Variants in ZNF862 observed in about 807,000 individuals in gnomAD.
ZNF862 encodes zinc finger protein 862.
In ZNF862, 64 loss-of-function variants were observed where a neutral mutation model predicts 91.1. The ratio of observed to expected loss-of-function variants is 0.70; its 90% CI spans 0.57 to 0.87. The LOEUF is 0.87. Ranked by LOEUF, ZNF862 falls within the 40% of genes least tolerant of loss-of-function variation. The pLI is 0.00. For synonymous variants in ZNF862, 631 were observed against 618.1 expected, an observed-to-expected ratio of 1.02 and a Z score of -0.31; for missense variants, 1,459 against 1,528.0, an observed-to-expected ratio of 0.95 and a Z score of 0.75.
At chr7:149,858,863 AGGGGCACACGCATG>A (rs1802347665) in intron 5 of ZNF862, 2 of 120,620 alleles carry the variant, frequency 1.7e-5, no homozygotes, top group Non-Finnish European at 3.5e-5. Context: ...GTGGGGGCAG[AGGGGCACACGCATG>A]GGCCAGCTGT....
At chr7:149,848,924 C>A (rs998219430) in intron 4 of ZNF862, among the ~76,000 whole-genome samples, 1 of 152,124 alleles carries the variant, frequency 6.6e-6, no homozygotes, top group Non-Finnish European at 1.5e-5. Context: ...ACTCAGCCTC[C>A]CAAGTAGCTG....
Position 149,846,219 on chromosome 7 carries a change from G to A in ZNF862, c.205G>A (p.Val69Ile), listed in dbSNP as rs777706177. 31 of 1,613,538 alleles carry A rather than the reference G, an allele frequency of 1.9e-5. No individual in the cohort carries two copies. The highest frequency in any genetic ancestry group is 2.2e-5 in the East Asian group (1 of 44,880). Residue 69 changes from valine (V) to isoleucine (I), a missense_variant, in exon 3 of 8, where the codon GTC becomes ATC. Coordinates refer to ENST00000223210, the MANE Select transcript of ZNF862 (RefSeq NM_001099220.3). ...AGGGCCAGAGCCATGGCTTGGCAGC[G>A]TCCAGGGCCAGAGGAGCCTTCTGGA... is the stretch of plus-strand genomic sequence containing the variant. Reference protein sequence around the residue: ...GRGPEPWLGSVQGQRSLLEHH... With the variant: ...GRGPEPWLGSIQGQRSLLEHH...
intron 2 of ZNF862, 48 bp from the exon 3 acceptor site, chr7:149,846,103 A>G: frequency 7.0e-7 from 1 of 1,423,098 alleles, no homozygotes; most frequent in South Asian, 1.2e-5. Flanking sequence ...CCAGGTCTTC[A>G]TAGTGCTTTT....
rs1802632523 is a variant in ZNF862, at chr7:149,864,243, C to T, written c.3469C>T (p.Leu1157=). 1 of 1,603,314 alleles carries T rather than the reference C, an allele frequency of 6.2e-7. No homozygotes were observed. Among genetic ancestry groups the T allele is most frequent in the Non-Finnish European group, 8.5e-7 (1 of 1,175,624 alleles). ...DCIMEPPERL[L]YPHTSQEAPG... ...CATCATGGAGCCTCCCGAGAGACTC[C>T]TGTATCCCCACACCAGCCAGGAGGC... is the stretch of plus-strand genomic sequence containing the variant. Residue 1157 remains leucine, a synonymous_variant, in exon 8 of 8, where the codon CTG becomes TTG. Coordinates refer to ENST00000223210, the MANE Select transcript of ZNF862 (RefSeq NM_001099220.3).
intron 5 of ZNF862, among the ~76,000 whole-genome samples, chr7:149,854,106 T>G: frequency 6.6e-6 from 1 of 152,194 alleles, no homozygotes; most frequent in Non-Finnish European, 1.5e-5. Flanking sequence ...AGGACGCGCT[T>G]ATAAAACAAT....
At chr7:149,852,959 C>G (rs1235739193) in intron 5 of ZNF862, among the ~76,000 whole-genome samples, 2 of 152,174 alleles carry the variant, frequency 1.3e-5, no homozygotes, top group Non-Finnish European at 2.9e-5. Context: ...AGTGGGAGGG[C>G]CCTAAAGAAG....
rs141964659 is a variant in ZNF862, at chr7:149,848,866, T to C, written c.939+434T>C. ...TCACCCAGGCTGGACTGTGGTGTGA[T>C]CATAGCTCACTGCAGCCTTTACCTC... On this transcript the variant is annotated intron_variant, in intron 4 of 7. Transcript: ENST00000223210. 6.9e-3 allele frequency among the ~76,000 whole-genome samples: 1,057 copies of C among 152,248 alleles called. 14 individuals carry two copies. Among genetic ancestry groups the C allele is most frequent in the African/African-American group, 0.024 (983 of 41,528 alleles).
intron 2 of ZNF862, among the ~76,000 whole-genome samples, chr7:149,845,496 G>T (rs1801839643): frequency 1.3e-5 from 2 of 152,196 alleles, no homozygotes; most frequent in Non-Finnish European, 2.9e-5. Flanking sequence ...GAGTCTTCCT[G>T]TGCCGGCTAA....
chr7:149,840,875 A>G, intron 1 of ZNF862: 2 of 909,434 alleles, frequency 2.2e-6, no homozygotes, highest in Non-Finnish European at 2.6e-6. Context: ...GCCTAAGGAC[A>G]CATTTCCTAG....
intron 5 of ZNF862, among the ~76,000 whole-genome samples, chr7:149,856,838 G>A (rs565462901): frequency 1.9e-4 from 29 of 152,304 alleles, no homozygotes; most frequent in Admixed American, 7.8e-4. Context: ...TGCAGGGGAG[G>A]CCTTCTTTCT....
At position 149,861,610 on chromosome 7, in the gene ZNF862, C is replaced by G; in HGVS notation, c.2450C>G (p.Ala817Gly). The G allele has an allele frequency of 1.2e-6, 2 of 1,601,564 alleles. No individual in the cohort carries two copies. The highest frequency in any genetic ancestry group is 1.7e-6 in the Non-Finnish European group (2 of 1,176,218). ...LARHLQRVAE[A>G]GGQIGHRAKG... ...AGGCACCTCCAGAGGGTGGCAGAGGCTGGGGGCCAGATTGGGCACCGGGCC... is the reference window on the plus strand; with the variant it reads ...AGGCACCTCCAGAGGGTGGCAGAGGGTGGGGGCCAGATTGGGCACCGGGCC... The change falls in exon 7 of 8, where the codon GCT becomes GGT. Residue 817 changes from alanine (A) to glycine (G), a missense_variant. By Grantham distance (60) the Ala-to-Gly change is moderately conservative. Coordinates refer to ENST00000223210, the MANE Select transcript of ZNF862 (RefSeq NM_001099220.3). This position sits in a 1 kb window ranked among gnomAD's most constrained non-coding sequence, Gnocchi z 6.7.
At position 149,860,622 on chromosome 7, in the gene ZNF862, T is replaced by C; in HGVS notation, c.1462T>C (p.Ser488Pro). 6.2e-7 allele frequency: 1 copy of C among 1,613,998 alleles called. No homozygotes were observed. The highest frequency in any genetic ancestry group is 8.5e-7 in the Non-Finnish European group (1 of 1,179,896). ...IDPKETKLFC[S>P]ACIERPNLHD... is the part of the protein sequence containing the mutation. ...CCCCAAAGAGACCAAACTCTTCTGC[T>C]CAGCCTGCATAGAAAGACCTAATCT... Residue 488 changes from serine (S) to proline (P), a missense_variant, in exon 7 of 8, where the codon TCA becomes CCA. Physicochemically the swap from Ser to Pro is moderately conservative, Grantham distance 74. Transcript: ENST00000223210.
intron 1 of ZNF862, chr7:149,841,227 G>C: frequency 1.0e-6 from 1 of 985,446 alleles, no homozygotes; most frequent in Non-Finnish European, 1.2e-6. Flanking sequence ...AGAACTGGGA[G>C]ACTACCTCGT....
Position 149,856,859 on chromosome 7 carries a change from C to G in ZNF862, c.1118-2563C>G, listed in dbSNP as rs185960475. On this transcript the variant is annotated intron_variant, in intron 5 of 7. Coordinates refer to ENST00000223210, the MANE Select transcript of ZNF862 (RefSeq NM_001099220.3). ...GGAGGCCTTCTTTCTGTGACGCATCCTGTCTAAAAACATCATATTCTTCCC... is the reference window on the plus strand; with the variant it reads ...GGAGGCCTTCTTTCTGTGACGCATCGTGTCTAAAAACATCATATTCTTCCC... Among the ~76,000 whole-genome samples the G allele has an allele frequency of 2.2e-3, 337 of 152,338 alleles. 1 individual carries two copies. Among genetic ancestry groups the G allele is most frequent in the Non-Finnish European group, 3.9e-3 (266 of 68,046 alleles).
intron 3 of ZNF862, among the ~76,000 whole-genome samples, chr7:149,846,471 A>G (rs1801876201): frequency 6.6e-6 from 1 of 152,198 alleles, no homozygotes; most frequent in East Asian, 1.9e-4. Context: ...TCTACCCAGG[A>G]GAATATGTTT....
chr7:149,847,054 A>C (rs1801896625), intron 3 of ZNF862, among the ~76,000 whole-genome samples: 1 of 152,234 alleles, frequency 6.6e-6, no homozygotes, highest in Admixed American at 6.5e-5. Context: ...AAGTGGTTCC[A>C]CAGGAGTTAG....
Position 149,860,980 on chromosome 7 carries a change from CAG to C in ZNF862, c.1824_1825del (p.Glu608AspfsTer57). The C allele has an allele frequency of 6.2e-7, 1 of 1,613,502 alleles. No homozygotes were observed. Among genetic ancestry groups the C allele is most frequent in the Non-Finnish European group, 8.5e-7 (1 of 1,179,796 alleles). The stretch of plus-strand genomic sequence containing the variant: ...TGCACTCAGTTCATCAAGTACATCT[CAG>C]AGACCCTGAAGAGGGAGATCCTGGA... On this transcript the variant is annotated frameshift_variant, in exon 7 of 8. Coordinates refer to ENST00000223210, the MANE Select transcript of ZNF862 (RefSeq NM_001099220.3). LOFTEE classifies it high-confidence loss of function.
At chr7:149,844,482 G>A in intron 1 of ZNF862, 143 bp from the exon 2 acceptor site, 1 of 596,640 alleles carries the variant, frequency 1.7e-6, no homozygotes, top group Non-Finnish European at 3.0e-6. Context: ...CTGTACCCAG[G>A]TGGGGAGAGA....
chr7:149,857,880 G>C (rs1802316146), intron 5 of ZNF862, among the ~76,000 whole-genome samples: 1 of 152,058 alleles, frequency 6.6e-6, no homozygotes, highest in South Asian at 2.1e-4. Context: ...GCACCCCTTG[G>C]TCCATAGACA....
Sources: allele counts gnomAD v4.1 joint callset (sites outside exome capture counted in the v4.1 genomes callset), GRCh38; gene constraint gnomAD v4.1.1; non-coding constraint Gnocchi (gnomAD v3.1); transcripts MANE v1.5; gene names NCBI Gene and HGNC (gene_info 2026-07-23, HGNC 2026-07-21).